The following NCOA7 variants were observed in gnomAD, a reference collection of about 807,000 sequenced individuals.
NCOA7 encodes nuclear receptor coactivator 7, also known as 140 kDa estrogen receptor-associated protein.
NCOA7 carries 45 observed loss-of-function variants against 104.3 expected under a neutral mutation model. The ratio of observed to expected loss-of-function variants is 0.43; its 90% CI spans 0.34 to 0.55. The LOEUF is 0.55. Ranked by LOEUF, NCOA7 falls within the 20% of genes least tolerant of loss-of-function variation. The pLI, the probability that NCOA7 is intolerant of heterozygous loss-of-function variation, is 0.02. For missense variants in NCOA7, 1,041 were observed against 1,119.7 expected (o/e 0.93, Z 1.00); for synonymous variants, 398 against 402.3 (o/e 0.99, Z 0.13).
intron 9 of NCOA7, among the ~76,000 whole-genome samples, 160 bp from the exon 10 acceptor site, chr6:125,890,482 A>G (rs1429952625): frequency 6.6e-6 from 1 of 152,190 alleles, no homozygotes; most frequent in African/African-American, 2.4e-5. Flanking sequence ...TGTGTGCTAA[A>G]GAAGGCTTGA....
Position 125,890,662 on chromosome 6 carries a change from GA to G in NCOA7, c.1954del (p.Ser652AlafsTer16). On this transcript the variant is annotated frameshift_variant, in exon 10 of 16. Coordinates refer to ENST00000392477, the MANE Select transcript of NCOA7 (RefSeq NM_181782.5). LOFTEE classifies it high-confidence loss of function. Reference sequence around the variant, plus strand: ...TTCAGATATACTTCCTTCAAAAGAAGAAAAAAGCAAGACCCCACCCATGTTC... The same window carrying G: ...TTCAGATATACTTCCTTCAAAAGAAGAAAAAGCAAGACCCCACCCATGTTC... ...PIEDILPSKE[E>X]KSKTPPMFLC... 6.2e-7 allele frequency: 1 copy of G among 1,611,946 alleles called. No homozygotes were observed. The highest frequency in any genetic ancestry group is 2.2e-5 in the East Asian group (1 of 44,748).
At chr6:125,919,274 T>G (rs982880324) in intron 11 of NCOA7, 6 of 1,611,880 alleles carry the variant, frequency 3.7e-6, no homozygotes, top group Non-Finnish European at 5.1e-6. Flanking sequence ...TCAGCGTGGC[T>G]ACAAGTAACT....
intron 2 of NCOA7, among the ~76,000 whole-genome samples, chr6:125,839,926 T>C (rs1779979001): frequency 6.6e-6 from 1 of 152,046 alleles, no homozygotes; most frequent in Admixed American, 6.5e-5. Context: ...ATGTATTTAC[T>C]ACACTAGTTA....
chr6:125,887,611 G>A (rs1056121290), intron 8 of NCOA7, among the ~76,000 whole-genome samples: 2 of 152,294 alleles, frequency 1.3e-5, no homozygotes, highest in Non-Finnish European at 2.9e-5. Context: ...TCATGCAGAT[G>A]ATTTATAAAA....
At chr6:125,907,865 A>G (rs1456008230) in intron 10 of NCOA7, among the ~76,000 whole-genome samples, 1 of 152,200 alleles carries the variant, frequency 6.6e-6, no homozygotes, top group Non-Finnish European at 1.5e-5. Context: ...GGTAGATGGT[A>G]TATTTTACCA....
At chr6:125,794,815 A>G (rs947529843) in intron 1 of NCOA7, among the ~76,000 whole-genome samples, 1 of 152,230 alleles carries the variant, frequency 6.6e-6, no homozygotes, top group Non-Finnish European at 1.5e-5. Flanking sequence ...AGTCAATTAT[A>G]TTTGGAGTAC....
Position 125,889,973 on chromosome 6 carries a change from C to A in NCOA7, c.1919C>A (p.Pro640His). 1.3e-6 allele frequency: 2 copies of A among 1,517,508 alleles called. No individual in the cohort carries two copies. The highest frequency in any genetic ancestry group is 1.8e-6 in the Non-Finnish European group (2 of 1,136,972). The allele number at this position is 1,517,508 out of a possible 1,614,324, so 94.0% of individuals were successfully genotyped here. A position where few individuals can be genotyped will look rare whatever the true frequency, so the allele number is the denominator to read the frequency against. ...TGGCTGTTAAAGAGAATTCAGGTAC[C>A]CATTGAAGGTAAGCTGTTTTTCTTT... Reference protein sequence around the residue: ...QLWLLKRIQVPIEDILPSKEE... With the variant: ...QLWLLKRIQVHIEDILPSKEE... Residue 640 changes from proline (P) to histidine (H), a missense_variant, in exon 9 of 16, where the codon CCC becomes CAC. Transcript: ENST00000392477.
intron 1 of NCOA7, among the ~76,000 whole-genome samples, chr6:125,793,969 C>CG (rs1223920811): frequency 2.0e-5 from 3 of 152,096 alleles, no homozygotes; most frequent in South Asian, 2.1e-4. Context: ...ATGATGTTTA[C>CG]GGGGGGTTGG....
At chr6:125,851,779 A>G (rs1225515303) in intron 2 of NCOA7, among the ~76,000 whole-genome samples, 1 of 152,212 alleles carries the variant, frequency 6.6e-6, no homozygotes, top group Admixed American at 6.5e-5. Context: ...TTTTAATAAC[A>G]GCCATTCTGG....
rs192477886 is a variant in NCOA7 at position 125,829,986 on chromosome 6, G to A, written c.50+14582G>A. Among the ~76,000 whole-genome samples, 74 of 152,248 alleles carry A rather than the reference G, an allele frequency of 4.9e-4. No homozygotes were observed. In the East Asian group the frequency reaches 0.013, roughly 26 times the overall value. On this transcript the variant is annotated intron_variant, in intron 2 of 15. Transcript: ENST00000392477. Reference sequence around the variant, plus strand: ...GGAGGTCGTGTGGGCTACCATGCTAGGTTTGGAATATCTACTGCCTTTGAC... The same window carrying A: ...GGAGGTCGTGTGGGCTACCATGCTAAGTTTGGAATATCTACTGCCTTTGAC...
At chr6:125,799,390 G>A (rs1033781522) in intron 1 of NCOA7, among the ~76,000 whole-genome samples, 1 of 151,016 alleles carries the variant, frequency 6.6e-6, no homozygotes. Context: ...TGGCACTTAA[G>A]CATTTGTGCC....
chr6:125,874,899 A>G lies in NCOA7; in HGVS notation c.282A>G (p.Gln94=). The G allele has an allele frequency of 6.2e-7, 1 of 1,613,218 alleles. No homozygotes were observed. Among genetic ancestry groups the G allele is most frequent in the Non-Finnish European group, 8.5e-7 (1 of 1,179,198 alleles). The change falls in exon 4 of 16, where the codon CAA becomes CAG. Residue 94 remains glutamine, a synonymous_variant. Coordinates refer to ENST00000392477, the MANE Select transcript of NCOA7 (RefSeq NM_181782.5). ...LKRYYSIDDN[Q]NKTHDKKEKK... ...CAATTTATTCTTCAGATGACAATCA[A>G]AACAAAACACATGATAAAAAAGAGA...
At chr6:125,840,512 T>C (rs1328774288) in intron 2 of NCOA7, among the ~76,000 whole-genome samples, 1 of 151,938 alleles carries the variant, frequency 6.6e-6, no homozygotes, top group Non-Finnish European at 1.5e-5. Context: ...TACAGGTATA[T>C]CATTTTTTCT....
chr6:125,855,085 A>G lies in NCOA7; in HGVS notation c.116A>G (p.His39Arg), dbSNP rs1249349961. The G allele has an allele frequency of 6.2e-7, 1 of 1,613,502 alleles. No homozygotes were observed. Among genetic ancestry groups the G allele is most frequent in the Non-Finnish European group, 8.5e-7 (1 of 1,179,936 alleles). ...GCCTCAGCTGTAGCTACAAGGACTC[A>G]TACTGGGAAGGAAGATAATAATACA... ...ETASAVATRT[H>R]TGKEDNNTVV... The change falls in exon 3 of 16, where the codon CAT becomes CGT. Residue 39 changes from histidine to arginine, a missense_variant. His to Arg is a conservative substitution (Grantham distance 29, BLOSUM62 0). Coordinates refer to ENST00000392477, the MANE Select transcript of NCOA7 (RefSeq NM_181782.5).
intron 5 of NCOA7, among the ~76,000 whole-genome samples, chr6:125,879,027 A>T (rs1783609362): frequency 6.6e-6 from 1 of 152,158 alleles, no homozygotes; most frequent in Non-Finnish European, 1.5e-5. Context: ...TACTTTTTTT[A>T]AGAGTTCAGA....
intron 15 of NCOA7, among the ~76,000 whole-genome samples, 158 bp downstream of exon 15, chr6:125,928,405 A>C (rs1169224810): frequency 1.3e-5 from 2 of 152,210 alleles, no homozygotes; most frequent in Non-Finnish European, 2.9e-5. Flanking sequence ...GAATGGCCTA[A>C]CTAAGAATCA....
rs1260218784 is a variant in NCOA7 at position 125,889,136 on chromosome 6, A to G, written c.1082A>G (p.Lys361Arg). 1.2e-6 allele frequency: 2 copies of G among 1,614,062 alleles called. No individual in the cohort carries two copies. Among genetic ancestry groups the G allele is most frequent in the African/African-American group, 1.3e-5 (1 of 74,936 alleles). Residue 361 changes from lysine to arginine, a missense_variant, in exon 9 of 16, where the codon AAG becomes AGG. Lys to Arg is a conservative substitution (Grantham distance 26). This residue lies in a region of NCOA7 where 914 missense variants were observed against 942.7 expected (regional missense o/e 0.97). Coordinates refer to ENST00000392477, the MANE Select transcript of NCOA7 (RefSeq NM_181782.5). ...AAGTCCACAGGACATACACCTACAA[A>G]GCCCTCAGGCAGCTCTGTGTCAGAG... ...LEKSTGHTPT[K>R]PSGSSVSEKL...
At chr6:125,856,507 C>T (rs1172097235) in intron 3 of NCOA7, among the ~76,000 whole-genome samples, 1 of 152,090 alleles carries the variant, frequency 6.6e-6, no homozygotes, top group African/African-American at 2.4e-5. Context: ...CACCCGCCAC[C>T]ACGCCCGGCT....
chr6:125,895,572 T>G (rs1004137958), intron 10 of NCOA7, among the ~76,000 whole-genome samples: 1 of 152,196 alleles, frequency 6.6e-6, no homozygotes, highest in Non-Finnish European at 1.5e-5. Flanking sequence ...AAGAAATACC[T>G]GTGACTGGTT....
Sources: allele counts gnomAD v4.1 joint callset (sites outside exome capture counted in the v4.1 genomes callset), GRCh38; gene constraint gnomAD v4.1.1; regional missense constraint gnomAD v4.1.1; transcripts MANE v1.5; gene names NCBI Gene and HGNC (gene_info 2026-07-23, HGNC 2026-07-21).